ERG: variants seen among roughly 807,000 people sequenced by gnomAD.
The protein encoded by ERG is ETS transcription factor ERG, also known as transcriptional regulator ERG.
In ERG, 9 loss-of-function variants were observed where a neutral mutation model predicts 55.3. The observed-to-expected ratio is 0.16, with a 90% CI of 0.10 to 0.28. ERG has a LOEUF of 0.28. ERG is among the 10% of genes least tolerant of loss of function. The pLI is 1.00. For missense variants in ERG, 434 were observed against 631.6 expected, an observed-to-expected ratio of 0.69 and a Z score of 3.35; for synonymous variants, 223 against 237.3, an observed-to-expected ratio of 0.94 and a Z score of 0.55.
intron 2 of ERG, among the ~76,000 whole-genome samples, chr21:38,531,097 G>A (rs555054453): frequency 2.0e-5 from 3 of 152,064 alleles, no homozygotes; most frequent in Non-Finnish European, 1.5e-5. Context: ...CTCCAGCAAG[G>A]GCACACACAC....
At chr21:38,468,547 A>G (rs535229541) in intron 1 of ERG, among the ~76,000 whole-genome samples, 6 of 152,300 alleles carry the variant, frequency 3.9e-5, no homozygotes, top group African/African-American at 9.6e-5. Context: ...TGATGATGCT[A>G]AAACCCATGT....
intron 1 of ERG, among the ~76,000 whole-genome samples, chr21:38,459,188 G>A (rs867801968): frequency 3.3e-5 from 5 of 152,294 alleles, no homozygotes; most frequent in South Asian, 4.2e-4. Flanking sequence ...GCCAGGAAGC[G>A]CAGCGCATTT....
the ERG span, among the ~76,000 whole-genome samples, chr21:38,371,232 T>C: frequency 4.6e-5 from 7 of 152,198 alleles, no homozygotes; most frequent in African/African-American, 1.7e-4. Flanking sequence ...AAAAATGCAA[T>C]TGAATTTTGA....
chr21:38,575,410 G>T (rs552828718), intron 2 of ERG, among the ~76,000 whole-genome samples: 11 of 152,304 alleles, frequency 7.2e-5, no homozygotes, highest in African/African-American at 2.6e-4. Context: ...AGATGATATA[G>T]AAATGAATGC....
intron 2 of ERG, among the ~76,000 whole-genome samples, chr21:38,561,390 G>C (rs1224641388): frequency 6.6e-6 from 1 of 151,634 alleles, no homozygotes; most frequent in African/African-American, 2.4e-5. Context: ...AACACCCCTT[G>C]TCACACCTGC....
chr21:38,404,545 G>A (rs1438764031), intron 3 of ERG, among the ~76,000 whole-genome samples: 1 of 152,220 alleles, frequency 6.6e-6, no homozygotes, highest in Non-Finnish European at 1.5e-5. Context: ...CTCAGTGGTA[G>A]GGTCTTCAGA....
intron 6 of ERG, among the ~76,000 whole-genome samples, chr21:38,396,682 T>G (rs1988236569): frequency 6.6e-6 from 1 of 152,222 alleles, no homozygotes; most frequent in South Asian, 2.1e-4. Context: ...TTGCATGACC[T>G]GCTCCTAAGA....
At position 38,383,930 on chromosome 21, in the gene ERG, A is replaced by G. The variant is rs1294875090; in HGVS notation, c.920-7T>C. ...AGCTGGATCTGGCCACTGCCTAATG[A>G]GGTCAGGAGAGGAAGGAAAACTCCA... On this transcript the variant is annotated splice_region_variant and splice_polypyrimidine_tract_variant and intron_variant, in intron 9 of 9. Transcript: ENST00000288319. The surrounding 1 kb of genome is among the most constrained non-coding windows in gnomAD (Gnocchi z 5.7). 1.2e-6 allele frequency: 2 copies of G among 1,605,434 alleles called. No individual in the cohort carries two copies. Among genetic ancestry groups the G allele is most frequent in the Non-Finnish European group, 1.7e-6 (2 of 1,175,156 alleles).
upstream of ERG, chr21:38,498,635 A>AT (rs879584048): frequency 9.4e-3 from 2,918 of 311,956 alleles, no homozygotes; most frequent in Non-Finnish European, 0.012. This position sits in a 1 kb window ranked among gnomAD's most constrained non-coding sequence, Gnocchi z 4.6. Context: ...CAGCCAGGAG[A>AT]TTTTTTTTTT....
chr21:38,618,451 G>T (rs1239462488), intron 1 of ERG, among the ~76,000 whole-genome samples: 1 of 152,140 alleles, frequency 6.6e-6, no homozygotes, highest in African/African-American at 2.4e-5. Context: ...ACCTTTTCTG[G>T]CCCCAAAAGC....
At chr21:38,470,277 A>G (rs868785959) in intron 1 of ERG, among the ~76,000 whole-genome samples, 4 of 151,194 alleles carry the variant, frequency 2.6e-5, no homozygotes, top group Non-Finnish European at 5.9e-5. Context: ...TATTATTATT[A>G]TTATTGTTAT....
intron 2 of ERG, among the ~76,000 whole-genome samples, chr21:38,565,743 C>T (rs750917009): frequency 2.6e-5 from 4 of 152,222 alleles, no homozygotes; most frequent in Non-Finnish European, 4.4e-5. Flanking sequence ...TCTCTTGCTT[C>T]TCCTGCTTTG....
chr21:38,529,030 AAATG>A (rs770368221), intron 2 of ERG, among the ~76,000 whole-genome samples: 14 of 152,160 alleles, frequency 9.2e-5, no homozygotes, highest in Non-Finnish European at 1.9e-4. Flanking sequence ...CCTGAGGTAG[AAATG>A]AATAAGGAAT....
chr21:38,460,941 C>T lies in ERG; in HGVS notation c.19-15320G>A, dbSNP rs2059036422. ...CTATGGAGAACCTGGATTCCCAGAG[C>T]TCTATCTGGTAGAACGTGTCTCCAT... is the stretch of plus-strand genomic sequence containing the variant. On this transcript the variant is annotated intron_variant, in intron 1 of 9. Transcript: ENST00000288319. The surrounding 1 kb of genome is among the most constrained non-coding windows in gnomAD (Gnocchi z 5.0). Among the ~76,000 whole-genome samples the T allele has an allele frequency of 6.6e-6, 1 of 152,182 alleles. No individual in the cohort carries two copies. Among genetic ancestry groups the T allele is most frequent in the Non-Finnish European group, 1.5e-5 (1 of 68,036 alleles).
At chr21:38,478,376 C>A (rs1490916827) in intron 1 of ERG, among the ~76,000 whole-genome samples, 1 of 152,178 alleles carries the variant, frequency 6.6e-6, no homozygotes, top group Admixed American at 6.5e-5. Flanking sequence ...CAGGGATATG[C>A]ACCATCTCCA....
intron 1 of ERG, among the ~76,000 whole-genome samples, chr21:38,495,856 G>A (rs550012502): frequency 6.6e-6 from 1 of 152,264 alleles, no homozygotes; most frequent in South Asian, 2.1e-4. Context: ...AGATGTTTGT[G>A]GGGACAGTGG....
chr21:38,603,894 G>A (rs1464317196), intron 1 of ERG, among the ~76,000 whole-genome samples: 1 of 151,760 alleles, frequency 6.6e-6, no homozygotes, highest in African/African-American at 2.4e-5. Context: ...AGAGAATAGA[G>A]GTTTTCCTCC....
At chr21:38,488,736 C>T (rs2059309577) in intron 1 of ERG, among the ~76,000 whole-genome samples, 1 of 152,172 alleles carries the variant, frequency 6.6e-6, no homozygotes, top group Admixed American at 6.5e-5. Flanking sequence ...CTCAAAGAGA[C>T]TTATTTTTCT....
chr21:38,383,667 G>T lies in ERG; in HGVS notation c.1176C>A (p.Phe392Leu). 6.2e-7 allele frequency: 1 copy of T among 1,614,208 alleles called. No homozygotes were observed. ...HGKRYAYKFD[F>L]HGIAQALQPH... The stretch of plus-strand genomic sequence containing the variant: ...GCTGGAGGGCCTGGGCGATCCCGTG[G>T]AAGTCGAACTTGTAGGCGTAGCGCT... Residue 392 changes from phenylalanine (F) to leucine (L), a missense_variant, in exon 10 of 10, where the codon TTC (phenylalanine) becomes TTA (leucine). Coordinates refer to ENST00000288319, the MANE Select transcript of ERG (RefSeq NM_182918.4). This position sits in a 1 kb window ranked among gnomAD's most constrained non-coding sequence, Gnocchi z 5.7.
Sources: gnomAD v4.1 joint callset for allele counts (sites outside exome capture counted in the v4.1 genomes callset) on GRCh38, gnomAD v4.1.1 for gene constraint, Gnocchi (gnomAD v3.1) non-coding constraint, MANE v1.5 for transcripts, NCBI Gene and HGNC (gene_info 2026-07-23, HGNC 2026-07-21) for gene names.